Variants in HDHD2 observed in about 807,000 individuals in gnomAD.
HDHD2 encodes haloacid dehalogenase-like hydrolase domain-containing protein 2.
HDHD2 carries 26 observed loss-of-function variants against 24.8 expected under a neutral mutation model. The observed-to-expected ratio is 1.05, with a 90% CI of 0.77 to 1.45. The LOEUF (loss-of-function observed/expected upper bound fraction) is 1.45, where lower values mean the gene tolerates loss of function less well. HDHD2 is among the 40% of genes most tolerant of loss of function. The pLI is 0.00. For synonymous variants in HDHD2, 128 were observed against 114.9 expected (o/e 1.11, Z -0.73); for missense variants, 299 against 313.4 (o/e 0.95, Z 0.35).
intron 3 of HDHD2, 152 bp from the exon 4 acceptor site, chr18:47,130,480 A>G (rs929758634): frequency 2.6e-5 from 15 of 575,282 alleles, no homozygotes; most frequent in African/African-American, 1.7e-4. Context: ...CTTTGGAAGT[A>G]TAAGAGAGTA....
At chr18:47,110,902 T>A in intron 6 of HDHD2, 1 of 984,730 alleles carries the variant, frequency 1.0e-6, no homozygotes, top group Non-Finnish European at 1.2e-6. Context: ...ATATTGAGCA[T>A]CTACCTTGTG....
Position 47,134,645 on chromosome 18 carries a change from T to C in HDHD2, c.161A>G (p.Gln54Arg). The C allele has an allele frequency of 6.2e-7, 1 of 1,614,202 alleles. No individual in the cohort carries two copies. The highest frequency in any genetic ancestry group is 8.5e-7 in the Non-Finnish European group (1 of 1,180,020). ...FVTNTTKESK[Q>R]DLLERLRKLE... ...TTTTCTCAACCTTTCTAACAGGTCT[T>C]GCTTGCTCTCTTTGGTTGTATTGGT... The change falls in exon 3 of 7, where the codon CAA (glutamine) becomes CGA (arginine). Residue 54 changes from glutamine (Q) to arginine (R), a missense_variant. Physicochemically the swap from Gln to Arg is conservative, Grantham distance 43. Transcript: ENST00000300605.
intron 1 of HDHD2, among the ~76,000 whole-genome samples, chr18:47,146,002 C>CGGGT (rs997475823): frequency 7.9e-5 from 12 of 151,890 alleles, no homozygotes; most frequent in African/African-American, 2.7e-4. Flanking sequence ...GAAGCCAAGG[C>CGGGT]GGGTGGATGA....
chr18:47,127,005 C>T (rs1394346760), intron 4 of HDHD2, among the ~76,000 whole-genome samples: 1 of 151,910 alleles, frequency 6.6e-6, no homozygotes, highest in Non-Finnish European at 1.5e-5. Flanking sequence ...ACTAAAAATA[C>T]AAAAAATTAG....
intron 1 of HDHD2, among the ~76,000 whole-genome samples, chr18:47,143,377 T>C (rs2063837322): frequency 1.3e-5 from 2 of 152,186 alleles, no homozygotes; most frequent in South Asian, 4.1e-4. Flanking sequence ...AGTATGGGGC[T>C]GCAGTGGGCT....
intron 1 of HDHD2, among the ~76,000 whole-genome samples, chr18:47,141,840 A>T (rs769065982): frequency 1.6e-4 from 25 of 152,140 alleles, no homozygotes; most frequent in Non-Finnish European, 2.6e-4. Context: ...TCCCACTCGA[A>T]TCTCATCTTG....
chr18:47,124,486 C>A (rs1424045307), intron 4 of HDHD2, among the ~76,000 whole-genome samples: 1 of 151,964 alleles, frequency 6.6e-6, no homozygotes, highest in African/African-American at 2.4e-5. Flanking sequence ...GCGGGTGGCT[C>A]ACCTGAGGTC....
intron 3 of HDHD2, among the ~76,000 whole-genome samples, chr18:47,130,570 C>A (rs1033052102): frequency 6.6e-6 from 1 of 152,172 alleles, no homozygotes; most frequent in East Asian, 1.9e-4. Context: ...ATTCCTTGTG[C>A]ACAGTCTTAA....
chr18:47,109,449 A>C (rs1305234046), intron 6 of HDHD2: 3 of 152,388 alleles, frequency 2.0e-5, no homozygotes, highest in Non-Finnish European at 4.4e-5. Context: ...CAGTGGTCAC[A>C]AAGAGCTTTT....
chr18:47,133,265 A>G (rs1035991484), intron 3 of HDHD2, among the ~76,000 whole-genome samples: 38 of 151,342 alleles, frequency 2.5e-4, no homozygotes, highest in Admixed American at 1.3e-4. Context: ...CTGTCCTTGC[A>G]ATAGTTTGCT....
chr18:47,123,095 A>G (rs561221354), intron 4 of HDHD2, among the ~76,000 whole-genome samples: 1 of 152,228 alleles, frequency 6.6e-6, no homozygotes, highest in African/African-American at 2.4e-5. Context: ...AAGAAATTTA[A>G]CTCTAGAAGG....
intron 3 of HDHD2, among the ~76,000 whole-genome samples, chr18:47,133,165 G>T (rs547279356): frequency 3.5e-3 from 526 of 149,440 alleles, no homozygotes; most frequent in African/African-American, 0.012. Context: ...CCCACAACAG[G>T]CCCCAGTGTG....
intron 1 of HDHD2, among the ~76,000 whole-genome samples, chr18:47,139,228 G>A (rs2063796653): frequency 6.6e-6 from 1 of 151,928 alleles, no homozygotes; most frequent in South Asian, 2.1e-4. Flanking sequence ...GGAGGCTGAG[G>A]TGGGTGGATC....
intron 2 of HDHD2, 38 bp downstream of exon 2, chr18:47,136,301 C>G (rs375590795): frequency 7.4e-6 from 12 of 1,611,018 alleles, no homozygotes; most frequent in East Asian, 6.7e-5. Context: ...ATGGCACTTA[C>G]AAACATATTT....
intron 1 of HDHD2, among the ~76,000 whole-genome samples, chr18:47,148,330 T>C (rs754252904): frequency 2.0e-5 from 3 of 152,210 alleles, no homozygotes; most frequent in Non-Finnish European, 2.9e-5. Context: ...TACAAGCTGG[T>C]ATTTGATAAA....
At chr18:47,129,460 T>C (rs2144335274) in intron 4 of HDHD2, among the ~76,000 whole-genome samples, 1 of 152,240 alleles carries the variant, frequency 6.6e-6, no homozygotes, top group African/African-American at 2.4e-5. Flanking sequence ...GGGTTCTCTC[T>C]TACTTGCTCA....
In HDHD2 at chr18:47,140,876, T is replaced by C. The variant is rs560260765; in HGVS notation, c.-10-4427A>G. On this transcript the variant is annotated intron_variant, in intron 1 of 6. Transcript: ENST00000300605. The stretch of plus-strand genomic sequence containing the variant: ...AAACAAAATTGTCACTTGTAGTTGG[T>C]AGTTATTATCTACATAGAAAATTAT... Among the ~76,000 whole-genome samples, 239 of 152,276 alleles carry C rather than the reference T, an allele frequency of 1.6e-3. 1 individual carries two copies. The highest frequency in any genetic ancestry group is 2.9e-3 in the Non-Finnish European group (198 of 68,032).
chr18:47,143,957 T>C (rs191762868), intron 1 of HDHD2, among the ~76,000 whole-genome samples: 33 of 152,276 alleles, frequency 2.2e-4, no homozygotes, highest in African/African-American at 6.5e-4. Flanking sequence ...AACTCTGGTA[T>C]GCTTATTTTT....
At chr18:47,120,444 T>C (rs1042202611) in intron 4 of HDHD2, among the ~76,000 whole-genome samples, 4 of 152,234 alleles carry the variant, frequency 2.6e-5, no homozygotes, top group African/African-American at 9.6e-5. Context: ...TCTCTTAGTC[T>C]TCAAAGAACT....
Sources: allele counts gnomAD v4.1 joint callset (sites outside exome capture counted in the v4.1 genomes callset), GRCh38; gene constraint gnomAD v4.1.1; transcripts MANE v1.5; gene names NCBI Gene and HGNC (gene_info 2026-07-23, HGNC 2026-07-21).